The following BRINP1 variants were observed in gnomAD, a reference collection of about 807,000 sequenced individuals.
BRINP1 encodes the protein BMP/retinoic acid-inducible neural-specific protein 1.
A neutral mutation model predicts 72.9 loss-of-function variants in BRINP1; 17 were observed. The observed-to-expected ratio is 0.23, with a 90% CI of 0.16 to 0.35. The LOEUF (loss-of-function observed/expected upper bound fraction) is 0.35. Among genes scored for constraint, BRINP1 ranks in the 10% least tolerant of loss-of-function variants. The pLI, the probability that BRINP1 is intolerant of heterozygous loss-of-function variation, is 1.00. For missense variants in BRINP1, 850 were observed against 1,001.6 expected, an observed-to-expected ratio of 0.85 and a Z score of 2.04; for synonymous variants, 418 against 378.5, an observed-to-expected ratio of 1.10 and a Z score of -1.21.
rs183937609 is a variant in BRINP1, at chr9:119,168,300, T to C, written c.1146-76A>G. 6 of 1,233,204 alleles carry C rather than the reference T, an allele frequency of 4.9e-6. No homozygotes were observed. The East Asian group carries it at 1.3e-4, about 27-fold the overall frequency. The allele number at this position is 1,233,204 out of a possible 1,614,324, so 76.4% of individuals were successfully genotyped here. ...TGAGTTACAGTTATCCAACTGATAA[T>C]GCGAACTGGAGCTGCCAAAAAGATG... is the stretch of plus-strand genomic sequence containing the variant. On this transcript the variant is annotated intron_variant, in intron 7 of 7. Transcript: ENST00000265922.
At chr9:119,300,424 T>C (rs940148021) in intron 2 of BRINP1, among the ~76,000 whole-genome samples, 42 of 152,190 alleles carry the variant, frequency 2.8e-4, no homozygotes, top group Non-Finnish European at 1.8e-4. Flanking sequence ...GGATACCCCA[T>C]TTACCCTGAT....
At position 119,208,736 on chromosome 9, in the gene BRINP1, G is replaced by A; in HGVS notation, c.1128C>T (p.His376=). 6.2e-7 allele frequency: 1 copy of A among 1,613,144 alleles called. No homozygotes were observed. Residue 376 remains histidine, a synonymous_variant, in exon 7 of 8, where the codon CAC becomes CAT. Transcript: ENST00000265922. ...LSVRCRHNPN[H]QLPRERTIQQ... ...ACACTTACCTCTCTCTAGGCAGCTG[G>A]TGGTTGGGATTGTGGCGACAGCGTA...
At chr9:119,222,473 T>G (rs1479183294) in intron 5 of BRINP1, among the ~76,000 whole-genome samples, 1 of 152,108 alleles carries the variant, frequency 6.6e-6, no homozygotes, top group East Asian at 1.9e-4. Flanking sequence ...GTTTGCCAAC[T>G]CTTCTACTAG....
chr9:119,328,157 A>G (rs2119009415), intron 1 of BRINP1, among the ~76,000 whole-genome samples: 1 of 152,340 alleles, frequency 6.6e-6, no homozygotes, highest in Non-Finnish European at 1.5e-5. Flanking sequence ...ATGGCAACAA[A>G]GCCAGGGGAG....
chr9:119,365,603 G>C (rs912397908), intron 1 of BRINP1, among the ~76,000 whole-genome samples: 1 of 152,168 alleles, frequency 6.6e-6, no homozygotes, highest in Non-Finnish European at 1.5e-5. Context: ...GGGCCTTTGG[G>C]CAAAGACCTT....
chr9:119,234,829 C>G (rs1830179197), intron 5 of BRINP1, among the ~76,000 whole-genome samples: 1 of 152,052 alleles, frequency 6.6e-6, no homozygotes, highest in South Asian at 2.1e-4. Flanking sequence ...TGAATCTGAA[C>G]AGACAGAATG....
chr9:119,330,791 G>T (rs1831292191), intron 1 of BRINP1, among the ~76,000 whole-genome samples: 1 of 151,934 alleles, frequency 6.6e-6, no homozygotes, highest in Admixed American at 6.6e-5. Context: ...ACTTTGGGAG[G>T]CTGAGGCGGG....
chr9:119,297,836 A>ATAAT (rs56394431), intron 2 of BRINP1, among the ~76,000 whole-genome samples: 40,993 of 151,432 alleles, frequency 0.27, 6,402 homozygotes, highest in Non-Finnish European at 0.35. Flanking sequence ...AATAATAATA[A>ATAAT]AATAATAACA....
At chr9:119,279,723 A>T (rs771179917) in intron 2 of BRINP1, among the ~76,000 whole-genome samples, 1 of 152,238 alleles carries the variant, frequency 6.6e-6, no homozygotes, top group African/African-American at 2.4e-5. Context: ...TGTATGCAAG[A>T]AAAAGATGCC....
chr9:119,213,949 C>A lies in BRINP1; in HGVS notation c.892G>T (p.Ala298Ser), dbSNP rs1450915052. ...TTCTCCAGGTCCTTATAAGCTTCGG[C>A]CCAAGACTTGGCCATGTTGGCCAGC... Reference protein sequence around the residue: ...YTLANMAKSWAEAYKDLENSD... With the variant: ...YTLANMAKSWSEAYKDLENSD... The change falls in exon 6 of 8, where the codon GCC (alanine) becomes TCC (serine). Residue 298 changes from alanine (A) to serine (S), a missense_variant. Physicochemically the swap from Ala to Ser is moderately conservative, Grantham distance 99 (BLOSUM62 1). Coordinates refer to ENST00000265922, the MANE Select transcript of BRINP1 (RefSeq NM_014618.3). The A allele has an allele frequency of 3.7e-6, 6 of 1,614,048 alleles. 1 individual carries two copies. In the South Asian group the frequency reaches 6.6e-5, roughly 18 times the overall value.
intron 2 of BRINP1, among the ~76,000 whole-genome samples, chr9:119,297,043 T>C (rs1222982113): frequency 1.3e-5 from 2 of 152,040 alleles, no homozygotes; most frequent in African/African-American, 4.8e-5. Flanking sequence ...AGACGGAAAA[T>C]AGTTACTGTG....
At chr9:119,188,692 G>C (rs1829652079) in intron 7 of BRINP1, among the ~76,000 whole-genome samples, 1 of 152,110 alleles carries the variant, frequency 6.6e-6, no homozygotes, top group Non-Finnish European at 1.5e-5. Context: ...TGAGGTGGGA[G>C]GATCACTTGA....
intron 2 of BRINP1, among the ~76,000 whole-genome samples, chr9:119,261,750 TTTTC>T (rs567386109): frequency 1.1e-3 from 163 of 152,170 alleles, no homozygotes; most frequent in African/African-American, 3.8e-3. Flanking sequence ...TTCTACTTTC[TTTTC>T]TTTCTTTCTC....
chr9:119,196,924 T>G (rs1829744407), intron 7 of BRINP1, among the ~76,000 whole-genome samples: 1 of 152,236 alleles, frequency 6.6e-6, no homozygotes, highest in African/African-American at 2.4e-5. Flanking sequence ...TCACTGCAAG[T>G]ACAAAGCATA....
At chr9:119,180,479 ATGTGTGTGTG>A (rs112009324) in intron 7 of BRINP1, among the ~76,000 whole-genome samples, 3,465 of 132,296 alleles carry the variant, frequency 0.026, 110 homozygotes, top group African/African-American at 0.096. Flanking sequence ...CTCTCTGTGC[ATGTGTGTGTG>A]TGTGTGTGTG....
intron 1 of BRINP1, among the ~76,000 whole-genome samples, chr9:119,344,220 G>A (rs1831430363): frequency 6.6e-6 from 1 of 152,182 alleles, no homozygotes; most frequent in Non-Finnish European, 1.5e-5. Context: ...ACTTCAGAAG[G>A]CAGCAGGGAG....
chr9:119,185,066 CCA>C (rs1829602081), intron 7 of BRINP1, among the ~76,000 whole-genome samples: 1 of 152,046 alleles, frequency 6.6e-6, no homozygotes, highest in Non-Finnish European at 1.5e-5. Context: ...TAGCTCAGGT[CCA>C]TCTCACAGTG....
At chr9:119,180,039 T>C (rs1829534593) in intron 7 of BRINP1, among the ~76,000 whole-genome samples, 1 of 152,202 alleles carries the variant, frequency 6.6e-6, no homozygotes, top group Non-Finnish European at 1.5e-5. Context: ...GAGCCCAGGC[T>C]GGGGTTCCTA....
In BRINP1 at chr9:119,249,130, A is replaced by C. The variant is rs1830352489; in HGVS notation, c.239T>G (p.Val80Gly). 2 of 1,613,426 alleles carry C rather than the reference A, an allele frequency of 1.2e-6. No individual in the cohort carries two copies. The highest frequency in any genetic ancestry group is 1.7e-6 in the Non-Finnish European group (2 of 1,179,866). The change falls in exon 3 of 8, where the codon GTG (valine) becomes GGG (glycine). Residue 80 changes from valine (V) to glycine (G), a missense_variant. Coordinates refer to ENST00000265922, the MANE Select transcript of BRINP1 (RefSeq NM_014618.3). ...KIYREFARWK[V>G]RNTAIERRDL... ...TCTCCTCTCGATGGCTGTGTTCCTC[A>C]CCTTCCAACGGGCAAACTCCCTGGG...
Sources: gnomAD v4.1 joint callset for allele counts (sites outside exome capture counted in the v4.1 genomes callset) on GRCh38, gnomAD v4.1.1 for gene constraint, MANE v1.5 for transcripts, NCBI Gene and HGNC (gene_info 2026-07-23, HGNC 2026-07-21) for gene names.